Variants in PDS5A observed in about 807,000 individuals in gnomAD.
The protein encoded by PDS5A is sister chromatid cohesion protein PDS5 homolog A.
In PDS5A, 42 loss-of-function variants were observed where a neutral mutation model predicts 167.1. That is an observed-to-expected ratio of 0.25 (90% CI 0.20 to 0.33). The LOEUF (loss-of-function observed/expected upper bound fraction) is 0.33. PDS5A is among the 10% of genes least tolerant of loss of function. The probability of loss-of-function intolerance (pLI) is 1.00; values close to 1 mark genes in which losing one functional copy is unlikely to be tolerated. For synonymous variants in PDS5A, 553 were observed against 554.6 expected (o/e 1.00, Z 0.04); for missense variants, 1,033 against 1,605.9 (o/e 0.64, Z 6.10).
intron 30 of PDS5A, among the ~76,000 whole-genome samples, chr4:39,842,990 T>C (rs1480487312): frequency 1.4e-5 from 2 of 143,932 alleles, no homozygotes; most frequent in Admixed American, 1.4e-4. Context: ...ATAGCTGATA[T>C]AGCCTAGAAC....
At chr4:39,920,001 G>C (rs1373374381) in intron 7 of PDS5A, among the ~76,000 whole-genome samples, 2 of 149,786 alleles carry the variant, frequency 1.3e-5, no homozygotes, top group African/African-American at 4.9e-5. Flanking sequence ...AAGAAACAAA[G>C]AAAAAAATAT....
At chr4:39,931,822 T>C (rs2679780) in intron 2 of PDS5A, among the ~76,000 whole-genome samples, 29,200 of 151,764 alleles carry the variant, frequency 0.19, 3,323 homozygotes, top group South Asian at 0.27. Context: ...GAGGCTATGA[T>C]ACAATGCCTT....
intron 2 of PDS5A, among the ~76,000 whole-genome samples, chr4:39,969,649 A>G (rs1200263630): frequency 6.6e-6 from 1 of 150,526 alleles, no homozygotes; most frequent in Non-Finnish European, 1.5e-5. Context: ...CTGGGCAACA[A>G]GAGCAAAACT....
At chr4:39,840,009 G>A (rs182123990) in intron 31 of PDS5A, among the ~76,000 whole-genome samples, 14 of 151,990 alleles carry the variant, frequency 9.2e-5, no homozygotes, top group East Asian at 3.9e-4. Flanking sequence ...CAGGAGAATC[G>A]CTTGAACCCA....
rs774548659 is a variant in PDS5A, at chr4:39,913,598, T to C, written c.992+13A>G. The stretch of plus-strand genomic sequence containing the variant: ...TTCTAAAATATAAACATCAGAATTA[T>C]ATGTTCTCTTACCGTCCAAGAAAAC... On this transcript the variant is annotated intron_variant, in intron 9 of 32. Coordinates refer to ENST00000303538, the MANE Select transcript of PDS5A (RefSeq NM_001100399.2). 7 of 1,380,708 alleles carry C rather than the reference T, an allele frequency of 5.1e-6. No individual in the cohort carries two copies. The highest frequency in any genetic ancestry group is 5.0e-5 in the Admixed American group (3 of 59,736). The allele number at this position is 1,380,708 out of a possible 1,614,324, so 85.5% of individuals were successfully genotyped here.
intron 22 of PDS5A, among the ~76,000 whole-genome samples, chr4:39,868,096 A>G (rs1427433886): frequency 6.6e-6 from 1 of 152,240 alleles, no homozygotes; most frequent in Non-Finnish European, 1.5e-5. Flanking sequence ...ATCAAAGAAG[A>G]TGATACAATC....
intron 1 of PDS5A, among the ~76,000 whole-genome samples, chr4:39,976,964 G>T (rs1159887893): frequency 6.6e-6 from 1 of 152,168 alleles, no homozygotes; most frequent in Non-Finnish European, 1.5e-5. Flanking sequence ...CCCGCTCGGC[G>T]GTGGGGAAGC....
chr4:39,871,550 G>A lies in PDS5A; in HGVS notation c.2436+1436C>T, dbSNP rs544381492. 1.2e-4 allele frequency among the ~76,000 whole-genome samples: 18 copies of A among 152,250 alleles called. No homozygotes were observed. In the South Asian group the frequency reaches 1.9e-3, roughly 16 times the overall value. On this transcript the variant is annotated intron_variant, in intron 21 of 32. Transcript: ENST00000303538. ...CTGATACTGAGGCCTCAAGATTACC[G>A]AAACATGTGAGAGTTAGGAACTTTG...
intron 17 of PDS5A, 37 bp from the exon 18 acceptor site, chr4:39,879,870 T>C: frequency 4.6e-6 from 5 of 1,091,230 alleles, no homozygotes; most frequent in Non-Finnish European, 7.1e-6. Context: ...GTAACCACTG[T>C]AGTAGTAACT....
chr4:39,895,443 T>A (rs1722321016), intron 16 of PDS5A, among the ~76,000 whole-genome samples: 1 of 152,020 alleles, frequency 6.6e-6, no homozygotes, highest in Non-Finnish European at 1.5e-5. Context: ...AACCATATAA[T>A]AAAAATGCCA....
At chr4:39,826,602 C>T (rs1474409984) in intron 32 of PDS5A, among the ~76,000 whole-genome samples, 1 of 151,990 alleles carries the variant, frequency 6.6e-6, no homozygotes, top group Non-Finnish European at 1.5e-5. Flanking sequence ...ACTCCTGTCT[C>T]AGCCTCCTGA....
chr4:39,931,980 C>T (rs1726114165), intron 2 of PDS5A, among the ~76,000 whole-genome samples: 1 of 151,914 alleles, frequency 6.6e-6, no homozygotes, highest in Admixed American at 6.6e-5. Flanking sequence ...CAATCTCTGC[C>T]TCCCAGGTTC....
At chr4:39,878,944 A>G (rs1398600470) in intron 18 of PDS5A, among the ~76,000 whole-genome samples, 4 of 152,048 alleles carry the variant, frequency 2.6e-5, no homozygotes, top group African/African-American at 9.7e-5. Flanking sequence ...GGGTTTCCCC[A>G]TGTTGGCCAG....
At chr4:39,929,519 C>CTATATA (rs58069502) in intron 2 of PDS5A, among the ~76,000 whole-genome samples, 1,322 of 79,022 alleles carry the variant, frequency 0.017, 55 homozygotes, top group African/African-American at 0.061. Context: ...ACTTAATAAA[C>CTATATA]TATATATATA....
In PDS5A at chr4:39,894,126, A is replaced by T. The variant is rs377719384; in HGVS notation, c.1771-3762T>A. Among the ~76,000 whole-genome samples, 75 of 152,304 alleles carry T rather than the reference A, an allele frequency of 4.9e-4. 1 individual carries two copies. In the South Asian group the frequency reaches 0.014, roughly 29 times the overall value. ...TACTCAGCTCAGAAGTACAAAGCTT[A>T]TTGGGCATGGTGGATCATGCCTGTA... On this transcript the variant is annotated intron_variant, in intron 16 of 32. Coordinates refer to ENST00000303538, the MANE Select transcript of PDS5A (RefSeq NM_001100399.2).
intron 13 of PDS5A, among the ~76,000 whole-genome samples, chr4:39,901,503 C>A (rs985290407): frequency 1.3e-5 from 2 of 152,112 alleles, no homozygotes; most frequent in Admixed American, 6.5e-5. Context: ...CTCCTAACCT[C>A]AAATTATCTG....
At chr4:39,829,095 T>A (rs775115959) in intron 32 of PDS5A, among the ~76,000 whole-genome samples, 2 of 152,186 alleles carry the variant, frequency 1.3e-5, no homozygotes, top group African/African-American at 4.8e-5. Context: ...GCGGTGTGTT[T>A]GATTGCTCTC....
intron 2 of PDS5A, chr4:39,973,462 A>C (rs1730765896): frequency 3.0e-6 from 4 of 1,346,814 alleles, no homozygotes; most frequent in Non-Finnish European, 4.3e-6. Flanking sequence ...CCAGGGTGTT[A>C]ATATTTACGT....
intron 17 of PDS5A, among the ~76,000 whole-genome samples, chr4:39,885,244 CT>C (rs147631329): frequency 7.4e-5 from 6 of 80,550 alleles, no homozygotes; most frequent in Admixed American, 1.3e-4. Flanking sequence ...AAGATTCCTT[CT>C]TAAAAAAAAA....
Sources: gnomAD v4.1 joint callset for allele counts (sites outside exome capture counted in the v4.1 genomes callset) on GRCh38, gnomAD v4.1.1 for gene constraint, MANE v1.5 for transcripts, NCBI Gene and HGNC (gene_info 2026-07-23, HGNC 2026-07-21) for gene names.